Variants in OR2C1 observed in about 807,000 individuals in gnomAD.
OR2C1 encodes the protein olfactory receptor 2C1.
For synonymous variants in OR2C1, 209 were observed against 167.3 expected (o/e 1.25, Z -1.92); for missense variants, 468 against 388.3 (o/e 1.21, Z -1.73).
chr16:3,346,188 C>CTGTGTG, the OR2C1 span, among the ~76,000 whole-genome samples: 3 of 150,532 alleles, frequency 2.0e-5, no homozygotes, highest in East Asian at 5.8e-4. Context: ...CTTTGCTTTG[C>CTGTGTG]TGTGTGTGTG....
the OR2C1 span, among the ~76,000 whole-genome samples, chr16:3,334,206 C>G: frequency 6.6e-6 from 1 of 150,752 alleles, no homozygotes. Context: ...GGTGCAACTT[C>G]AGCTCACTGC....
chr16:3,349,583 CCAAAGGT>C, the OR2C1 span, among the ~76,000 whole-genome samples: 5 of 152,060 alleles, frequency 3.3e-5, no homozygotes, highest in South Asian at 1.0e-3. Context: ...AATCTCAAAG[CCAAAGGT>C]ACATTTCCAT....
At chr16:3,339,070 T>TA in the OR2C1 span, among the ~76,000 whole-genome samples, 2 of 152,196 alleles carry the variant, frequency 1.3e-5, no homozygotes, top group East Asian at 3.8e-4. Context: ...CCTATGGGTT[T>TA]AAATATTCTG....
chr16:3,333,708 G>A, the OR2C1 span, among the ~76,000 whole-genome samples: 1 of 152,080 alleles, frequency 6.6e-6, no homozygotes, highest in African/African-American at 2.4e-5. Flanking sequence ...ATTTTTAGTT[G>A]GATGTAATTC....
chr16:3,349,074 C>T, the OR2C1 span, among the ~76,000 whole-genome samples: 1 of 152,158 alleles, frequency 6.6e-6, no homozygotes, highest in South Asian at 2.1e-4. Flanking sequence ...GTTCAATTTA[C>T]TCCTCTGCTA....
At chr16:3,332,678 G>A in the OR2C1 span, among the ~76,000 whole-genome samples, 3,227 of 150,802 alleles carry the variant, frequency 0.021, 120 homozygotes, top group African/African-American at 0.074. Flanking sequence ...CAAATGACAA[G>A]ATTTGTGTTC....
chr16:3,337,769 C>A, the OR2C1 span, among the ~76,000 whole-genome samples: 3 of 152,054 alleles, frequency 2.0e-5, no homozygotes, highest in Non-Finnish European at 2.9e-5. Context: ...TTTGTTCATT[C>A]GTGAAGGTCA....
chr16:3,347,128 T>G, the OR2C1 span, among the ~76,000 whole-genome samples: 2 of 148,892 alleles, frequency 1.3e-5, no homozygotes, highest in Non-Finnish European at 3.0e-5. Context: ...GTGCCTGTAG[T>G]CCCAGCTGCT....
chr16:3,327,137 C>G, the OR2C1 span, among the ~76,000 whole-genome samples: 3 of 152,020 alleles, frequency 2.0e-5, no homozygotes, highest in African/African-American at 7.2e-5. Context: ...TGGAAGTTAT[C>G]AAACATATAT....
chr16:3,328,987 AAATTAATT>A, the OR2C1 span, among the ~76,000 whole-genome samples: 261 of 149,098 alleles, frequency 1.8e-3, no homozygotes, highest in East Asian at 7.8e-3. Context: ...TGGACTAGGA[AAATTAATT>A]AATTAATTAA....
the OR2C1 span, among the ~76,000 whole-genome samples, chr16:3,340,031 C>G: frequency 1.3e-5 from 2 of 152,122 alleles, no homozygotes; most frequent in East Asian, 3.9e-4. Context: ...GTAATCCCAG[C>G]ACTTTGGGAG....
the OR2C1 span, among the ~76,000 whole-genome samples, chr16:3,337,583 T>C: frequency 2.6e-3 from 393 of 152,200 alleles, 1 homozygote; most frequent in South Asian, 0.022. Context: ...CCAAGATTCC[T>C]GTTTGATTTT....
At chr16:3,332,915 C>T in the OR2C1 span, among the ~76,000 whole-genome samples, 1 of 152,088 alleles carries the variant, frequency 6.6e-6, no homozygotes, top group African/African-American at 2.4e-5. Flanking sequence ...TGCTAGATCA[C>T]ATGGTAGTTC....
the OR2C1 span, among the ~76,000 whole-genome samples, chr16:3,327,580 C>T: frequency 2.6e-5 from 4 of 151,314 alleles, no homozygotes; most frequent in African/African-American, 4.9e-5. Context: ...CCAGATGCCT[C>T]GTAATGAGAG....
upstream of OR2C1, among the ~76,000 whole-genome samples, chr16:3,352,673 GC>G (rs1421280378): frequency 6.6e-6 from 1 of 151,080 alleles, no homozygotes; most frequent in Non-Finnish European, 1.5e-5. Flanking sequence ...TCTAATACCA[GC>G]CCCCCACAGA....
At chr16:3,346,444 A>G in the OR2C1 span, among the ~76,000 whole-genome samples, 1 of 152,186 alleles carries the variant, frequency 6.6e-6, no homozygotes, top group Non-Finnish European at 1.5e-5. Flanking sequence ...CCAGTCTGCC[A>G]TTAACCAGAC....
chr16:3,335,906 A>C, the OR2C1 span, among the ~76,000 whole-genome samples: 1 of 151,970 alleles, frequency 6.6e-6, no homozygotes, highest in Non-Finnish European at 1.5e-5. Context: ...GAAGCCCTTT[A>C]TTTCTTTCTT....
the OR2C1 span, among the ~76,000 whole-genome samples, chr16:3,333,336 A>G: frequency 7.0e-3 from 999 of 142,582 alleles, 7 homozygotes; most frequent in Non-Finnish European, 0.012. Flanking sequence ...TTTTTATTTT[A>G]TTTTAGTTTA....
the OR2C1 span, among the ~76,000 whole-genome samples, chr16:3,336,950 C>T: frequency 4.0e-3 from 612 of 151,346 alleles, 6 homozygotes; most frequent in African/African-American, 0.014. Flanking sequence ...TCAGGTGATC[C>T]GCCCATCTTG....
Sources: allele counts gnomAD v4.1 joint callset (sites outside exome capture counted in the v4.1 genomes callset), GRCh38; gene constraint gnomAD v4.1.1; transcripts MANE v1.5; gene names NCBI Gene and HGNC (gene_info 2026-07-23, HGNC 2026-07-21).